Variants in ABRAXAS1 observed in about 807,000 individuals in gnomAD.
ABRAXAS1 encodes the protein abraxas 1, BRCA1 A complex subunit.
In ABRAXAS1, 26 loss-of-function variants were observed where a neutral mutation model predicts 38.4. The observed-to-expected ratio is 0.68, with a 90% CI of 0.50 to 0.94. The LOEUF (loss-of-function observed/expected upper bound fraction) is 0.94, where lower values mean the gene tolerates loss of function less well. Among genes scored for constraint, ABRAXAS1 ranks in the 40% least tolerant of loss-of-function variants. The pLI is 0.00. For synonymous variants in ABRAXAS1, 144 were observed against 165.5 expected (o/e 0.87, Z 1.00); for missense variants, 438 against 481.9 (o/e 0.91, Z 0.85).
rs2110035333 is a variant in ABRAXAS1 at position 83,465,090 on chromosome 4, G to A, written c.682-1482C>T. Among the ~76,000 whole-genome samples, 2 of 152,148 alleles carry A rather than the reference G, an allele frequency of 1.3e-5. 1 individual carries two copies. The highest frequency in any genetic ancestry group is 4.8e-5 in the African/African-American group (2 of 41,532). ...GCAGGTAGATAACCTGAGGTCTTGG[G>A]TTCGAGACCAACCTGGCCAACATGG... On this transcript the variant is annotated intron_variant, in intron 7 of 8. Coordinates refer to ENST00000321945, the MANE Select transcript of ABRAXAS1 (RefSeq NM_139076.3).
In ABRAXAS1 at chr4:83,461,189, C is replaced by T. The variant is rs777337913; in HGVS notation, c.*1280G>A. On this transcript the variant is annotated 3_prime_UTR_variant, in exon 9 of 9. Transcript: ENST00000321945. ...CCCTAAAGTTTGTAACATCAGATAT[C>T]GGGAATAAATTCTATCACGTTACCA... is the stretch of plus-strand genomic sequence containing the variant. 5.6e-6 allele frequency: 9 copies of T among 1,611,444 alleles called. No individual in the cohort carries two copies. The highest frequency in any genetic ancestry group is 4.4e-5 in the South Asian group (4 of 90,958).
At position 83,459,676 on chromosome 4, in the gene ABRAXAS1, TTTACACATTC is replaced by T; in HGVS notation, c.*2783_*2792del. On this transcript the variant is annotated 3_prime_UTR_variant, in exon 9 of 9. Coordinates refer to ENST00000321945, the MANE Select transcript of ABRAXAS1 (RefSeq NM_139076.3). Reference sequence around the variant, plus strand: ...ATAACCTGAAGGTTGTTTTTTGAAATTTACACATTCAGAAATAAATAACAGATACTTTTTT... The same window carrying T: ...ATAACCTGAAGGTTGTTTTTTGAAATAGAAATAAATAACAGATACTTTTTT... 6.9e-7 allele frequency: 1 copy of T among 1,452,010 alleles called. No homozygotes were observed. The allele number at this position is 1,452,010 out of a possible 1,614,324, so 89.9% of individuals were successfully genotyped here. A position where few individuals can be genotyped will look rare whatever the true frequency, so the allele number is the denominator to read the frequency against.
intron 2 of ABRAXAS1, among the ~76,000 whole-genome samples, chr4:83,477,364 C>T (rs1722815085): frequency 6.6e-6 from 1 of 151,586 alleles, no homozygotes; most frequent in Non-Finnish European, 1.5e-5. Flanking sequence ...TCTTGTATTG[C>T]TATAAAGGGC....
rs758682431 is a variant in ABRAXAS1 at position 83,467,435 on chromosome 4, G to A, written c.681+19C>T. 2.3e-6 allele frequency: 3 copies of A among 1,312,022 alleles called. No individual in the cohort carries two copies. The highest frequency in any genetic ancestry group is 2.9e-5 in the African/African-American group (2 of 69,022). The allele number at this position is 1,312,022 out of a possible 1,614,324, so 81.3% of individuals were successfully genotyped here. A position where few individuals can be genotyped will look rare whatever the true frequency, so the allele number is the denominator to read the frequency against. ...AACTCTATCTAGAAGTGGTTGACGT[G>A]TTTGATATGTTAACTTACCTTTAAT... On this transcript the variant is annotated intron_variant, in intron 7 of 8. Coordinates refer to ENST00000321945, the MANE Select transcript of ABRAXAS1 (RefSeq NM_139076.3).
intron 7 of ABRAXAS1, among the ~76,000 whole-genome samples, chr4:83,465,316 AAAAG>A (rs1322655169): frequency 2.6e-5 from 4 of 151,454 alleles, no homozygotes; most frequent in South Asian, 2.1e-4. Flanking sequence ...AAAAAAAAAA[AAAAG>A]AAGAAACTAA....
At chr4:83,464,177 A>G (rs750366208) in intron 7 of ABRAXAS1, among the ~76,000 whole-genome samples, 1 of 152,222 alleles carries the variant, frequency 6.6e-6, no homozygotes, top group Non-Finnish European at 1.5e-5. Flanking sequence ...ACAGAGTGAG[A>G]CCCTGTCTCA....
intron 2 of ABRAXAS1, among the ~76,000 whole-genome samples, chr4:83,480,951 T>C (rs1722981838): frequency 6.6e-6 from 1 of 152,036 alleles, no homozygotes; most frequent in Non-Finnish European, 1.5e-5. Flanking sequence ...GCCAACATAA[T>C]GAAACCCCAT....
intron 2 of ABRAXAS1, among the ~76,000 whole-genome samples, chr4:83,481,019 C>T (rs1333212516): frequency 6.6e-6 from 1 of 151,908 alleles, no homozygotes; most frequent in Non-Finnish European, 1.5e-5. Context: ...GTAATCCCAG[C>T]TACTTGGGAG....
In ABRAXAS1 at chr4:83,460,200, CA is replaced by C. The variant is rs1317595885; in HGVS notation, c.*2268del. ...TTTGAGATGGAATCTCACTGTCACC[CA>C]GGCTGGAGTGCTGTGGCACAATCTC... On this transcript the variant is annotated 3_prime_UTR_variant, in exon 9 of 9. Coordinates refer to ENST00000321945, the MANE Select transcript of ABRAXAS1 (RefSeq NM_139076.3). The C allele has an allele frequency of 6.5e-6, 1 of 153,404 alleles. No homozygotes were observed. Among genetic ancestry groups the C allele is most frequent in the African/African-American group, 2.4e-5 (1 of 41,352 alleles). The allele number at this position is 153,404 out of a possible 1,614,324, so 9.5% of individuals were successfully genotyped here. A position where few individuals can be genotyped will look rare whatever the true frequency, so the allele number is the denominator to read the frequency against.
chr4:83,468,961 G>A (rs901320649), intron 6 of ABRAXAS1, 71 bp downstream of exon 6: 18 of 1,549,112 alleles, frequency 1.2e-5, no homozygotes, highest in Non-Finnish European at 1.5e-5. Flanking sequence ...TTATTCTGCT[G>A]TTGTTTGAGA....
chr4:83,478,117 G>C, intron 2 of ABRAXAS1: 1 of 803,956 alleles, frequency 1.2e-6, no homozygotes, highest in Non-Finnish European at 2.2e-6. Flanking sequence ...TTACTAAGAA[G>C]CACTTAATAT....
rs754733491 is a variant in ABRAXAS1 at position 83,460,849 on chromosome 4, T to C, written c.*1620A>G. ...TGAGCCTGGGTGGCGGAGGTTGCAG[T>C]GAGGCGAGAGAGCACCACTGTACTC... On this transcript the variant is annotated 3_prime_UTR_variant, in exon 9 of 9. Transcript: ENST00000321945. 1.5e-4 allele frequency: 116 copies of C among 759,476 alleles called. No homozygotes were observed. Among genetic ancestry groups the C allele is most frequent in the Non-Finnish European group, 1.9e-4 (85 of 455,144 alleles). 47.0% of individuals were successfully genotyped at this position (759,476 alleles called of 1,614,324 possible). A position where few individuals can be genotyped will look rare whatever the true frequency, so the allele number is the denominator to read the frequency against.
chr4:83,480,420 T>G (rs565115513), intron 2 of ABRAXAS1: 1 of 329,132 alleles, frequency 3.0e-6, no homozygotes, highest in South Asian at 2.3e-5. Flanking sequence ...ACACACACAT[T>G]TACATTTGTG....
At chr4:83,483,325 G>A (rs908392249) in intron 1 of ABRAXAS1, among the ~76,000 whole-genome samples, 2 of 147,772 alleles carry the variant, frequency 1.4e-5, no homozygotes, top group Non-Finnish European at 3.0e-5. Flanking sequence ...TCATCACCCA[G>A]GCTGGAGTGC....
At chr4:83,466,752 T>A (rs1251716817) in intron 7 of ABRAXAS1, 1 of 152,236 alleles carries the variant, frequency 6.6e-6, no homozygotes, top group African/African-American at 2.4e-5. Flanking sequence ...TTAGCCAGGA[T>A]GGTCTCGATC....
At chr4:83,476,885 C>A (rs540234802) in intron 2 of ABRAXAS1, among the ~76,000 whole-genome samples, 112 of 152,316 alleles carry the variant, frequency 7.4e-4, no homozygotes, top group African/African-American at 2.6e-3. Context: ...GTGGCTCACC[C>A]AATCCAGTGG....
intron 3 of ABRAXAS1, among the ~76,000 whole-genome samples, chr4:83,475,274 A>G (rs1722723673): frequency 6.6e-6 from 1 of 152,212 alleles, no homozygotes; most frequent in Non-Finnish European, 1.5e-5. Flanking sequence ...CACATAAGGC[A>G]GTATAGGAAC....
chr4:83,470,065 G>A, intron 5 of ABRAXAS1, 138 bp downstream of exon 5: 1 of 571,804 alleles, frequency 1.7e-6, no homozygotes, highest in South Asian at 3.9e-5. Context: ...TTAACAGATG[G>A]TAAGATCTAC....
At chr4:83,481,842 C>T (rs879390340) in intron 2 of ABRAXAS1, among the ~76,000 whole-genome samples, 1 of 152,096 alleles carries the variant, frequency 6.6e-6, no homozygotes, top group Non-Finnish European at 1.5e-5. Context: ...TTCTGCCTCT[C>T]AGGTTCAAGC....
Sources: gnomAD v4.1 joint callset for allele counts (sites outside exome capture counted in the v4.1 genomes callset) on GRCh38, gnomAD v4.1.1 for gene constraint, MANE v1.5 for transcripts, NCBI Gene and HGNC (gene_info 2026-07-23, HGNC 2026-07-21) for gene names.